The following SLC35D4 variants were observed in gnomAD, a reference collection of about 807,000 sequenced individuals.
SLC35D4 encodes UDP-N-acetylglucosamine transporter SLC35D4.
the SLC35D4 span, chr18:23,259,202 C>T: frequency 6.6e-6 from 1 of 152,274 alleles, no homozygotes; most frequent in South Asian, 2.1e-4. Context: ...AGCCATCCAC[C>T]TTCCTGGTCA....
chr18:23,385,050 G>T, the SLC35D4 span: 14 of 1,613,312 alleles, frequency 8.7e-6, no homozygotes, highest in Non-Finnish European at 1.2e-5. Flanking sequence ...TATGCAAAGT[G>T]AGAAACACAG....
chr18:23,404,992 C>CAAACAA, the SLC35D4 span, among the ~76,000 whole-genome samples: 2 of 44,478 alleles, frequency 4.5e-5, no homozygotes, highest in Non-Finnish European at 8.9e-5. Flanking sequence ...GACTCCGTCT[C>CAAACAA]AAAAAAAAAA....
the SLC35D4 span, chr18:23,258,549 C>G: frequency 1.3e-5 from 2 of 152,232 alleles, no homozygotes; most frequent in Admixed American, 1.3e-4. Flanking sequence ...TGTCACCACA[C>G]TGTCGCCTCA....
chr18:23,295,570 G>C, the SLC35D4 span, among the ~76,000 whole-genome samples: 149 of 152,100 alleles, frequency 9.8e-4, no homozygotes, highest in Admixed American at 2.8e-3. Context: ...TATGTGTTAA[G>C]GTCACTCTTA....
the SLC35D4 span, among the ~76,000 whole-genome samples, chr18:23,279,513 A>AAGGT: frequency 2.0e-5 from 3 of 152,162 alleles, no homozygotes; most frequent in South Asian, 4.1e-4. Flanking sequence ...ATTTGGAGAT[A>AAGGT]AGGTCTTTAT....
chr18:23,367,849 G>A, the SLC35D4 span, among the ~76,000 whole-genome samples: 1 of 151,350 alleles, frequency 6.6e-6, no homozygotes, highest in Non-Finnish European at 1.5e-5. Context: ...CTTGAGCTCT[G>A]GGGCTCAAGT....
At chr18:23,371,683 T>G in the SLC35D4 span, among the ~76,000 whole-genome samples, 2 of 151,742 alleles carry the variant, frequency 1.3e-5, no homozygotes, top group Non-Finnish European at 2.9e-5. Flanking sequence ...CAACACCCCA[T>G]GCCCCACACT....
the SLC35D4 span, chr18:23,310,113 C>G: frequency 1.6e-6 from 1 of 643,118 alleles, no homozygotes; most frequent in Non-Finnish European, 1.9e-6. Context: ...CAGTGCAGAA[C>G]TCGTCTCCAA....
the SLC35D4 span, among the ~76,000 whole-genome samples, chr18:23,275,015 G>GC: frequency 2.2e-4 from 28 of 125,974 alleles, no homozygotes; most frequent in African/African-American, 5.1e-4. Context: ...GTGTATGTGT[G>GC]TGCTTGTGTG....
At chr18:23,395,364 T>C in the SLC35D4 span, among the ~76,000 whole-genome samples, 1 of 152,184 alleles carries the variant, frequency 6.6e-6, no homozygotes, top group Non-Finnish European at 1.5e-5. Context: ...TGTTTCCTCA[T>C]CAACATCCCC....
chr18:23,252,334 A>G, the SLC35D4 span, among the ~76,000 whole-genome samples: 7,239 of 152,256 alleles, frequency 0.048, 315 homozygotes, highest in African/African-American at 0.12. Context: ...ATGCCACTGA[A>G]TGGTACGCCT....
the SLC35D4 span, among the ~76,000 whole-genome samples, chr18:23,387,959 T>C: frequency 6.6e-6 from 1 of 152,228 alleles, no homozygotes; most frequent in Non-Finnish European, 1.5e-5. Flanking sequence ...TTTGGCAAAC[T>C]TGGGCCCTGG....
chr18:23,411,485 G>GAA, the SLC35D4 span, among the ~76,000 whole-genome samples: 2 of 81,342 alleles, frequency 2.5e-5, no homozygotes, highest in Non-Finnish European at 5.2e-5. Flanking sequence ...GAAAGAGATA[G>GAA]AAAGAAAGAA....
chr18:23,267,926 C>T, the SLC35D4 span, among the ~76,000 whole-genome samples: 1 of 152,220 alleles, frequency 6.6e-6, no homozygotes, highest in Non-Finnish European at 1.5e-5. Flanking sequence ...TGCAAGTCTT[C>T]TGGCCACCCG....
the SLC35D4 span, among the ~76,000 whole-genome samples, chr18:23,281,799 A>G: frequency 6.6e-6 from 1 of 152,260 alleles, no homozygotes; most frequent in Non-Finnish European, 1.5e-5. Context: ...ATGGGCCTGC[A>G]GCCTCCAGCA....
chr18:23,308,876 C>CTCTCTGTG, the SLC35D4 span, among the ~76,000 whole-genome samples: 7 of 139,984 alleles, frequency 5.0e-5, no homozygotes, highest in African/African-American at 1.6e-4. Flanking sequence ...CTCTCTCTCT[C>CTCTCTGTG]TGTGTGTGTG....
At chr18:23,432,509 C>T in the SLC35D4 span, among the ~76,000 whole-genome samples, 41 of 151,858 alleles carry the variant, frequency 2.7e-4, no homozygotes, top group Admixed American at 4.6e-4. Context: ...AGTGAAACCC[C>T]GTCTCTACTA....
the SLC35D4 span, among the ~76,000 whole-genome samples, chr18:23,282,120 G>C: frequency 6.6e-6 from 1 of 152,202 alleles, no homozygotes; most frequent in Non-Finnish European, 1.5e-5. Context: ...AAGGGCCTCC[G>C]CGGCTCCCCG....
chr18:23,425,034 C>T, the SLC35D4 span, among the ~76,000 whole-genome samples: 3 of 152,204 alleles, frequency 2.0e-5, no homozygotes, highest in Non-Finnish European at 4.4e-5. Context: ...CAATTCAGCA[C>T]TAGTCCCTTA....
Sources: gnomAD v4.1 joint callset for allele counts (sites outside exome capture counted in the v4.1 genomes callset) on GRCh38, gnomAD v4.1.1 for gene constraint, MANE v1.5 for transcripts, NCBI Gene and HGNC (gene_info 2026-07-23, HGNC 2026-07-21) for gene names.